MEGF6: variants seen among roughly 807,000 people sequenced by gnomAD.
MEGF6 encodes the protein multiple epidermal growth factor-like domains protein 6.
In MEGF6, 184 loss-of-function variants were observed where a neutral mutation model predicts 207.1. The ratio of observed to expected loss-of-function variants is 0.89; its 90% CI spans 0.79 to 1.00. The LOEUF (loss-of-function observed/expected upper bound fraction) is 1.00. Among genes scored for constraint, MEGF6 ranks in the 50% least tolerant of loss-of-function variants. MEGF6 has a pLI of 0.00. For missense variants in MEGF6, 2,282 were observed against 2,202.9 expected, an observed-to-expected ratio of 1.04 and a Z score of -0.72; for synonymous variants, 1,038 against 910.0, an observed-to-expected ratio of 1.14 and a Z score of -2.53.
chr1:3,587,976 C>G (rs572193701), intron 3 of MEGF6, among the ~76,000 whole-genome samples: 2 of 1,346 alleles, frequency 1.5e-3, no homozygotes, highest in Admixed American at 7.2e-3. Context: ...GCAGGAGTGG[C>G]CAGGAGGGGG....
At chr1:3,517,774 G>T (rs1436728471) in intron 5 of MEGF6, among the ~76,000 whole-genome samples, 1 of 152,214 alleles carries the variant, frequency 6.6e-6, no homozygotes, top group African/African-American at 2.4e-5. Context: ...GTGGACTGGG[G>T]ATTTGCCTCC....
intron 30 of MEGF6, among the ~76,000 whole-genome samples, chr1:3,495,039 C>T (rs1041854429): frequency 1.3e-5 from 2 of 152,200 alleles, no homozygotes; most frequent in African/African-American, 2.4e-5. Context: ...GAAGGCTTCA[C>T]GGAGGCAGCG....
chr1:3,497,655 A>G (rs531886450), intron 26 of MEGF6: 9 of 578,708 alleles, frequency 1.6e-5, no homozygotes, highest in Non-Finnish European at 2.3e-5. Context: ...CTGAGAGCTC[A>G]GCCTCTGGCA....
upstream of MEGF6, among the ~76,000 whole-genome samples, chr1:3,614,642 G>T (rs946306187): frequency 1.3e-5 from 2 of 152,230 alleles, no homozygotes; most frequent in Admixed American, 1.3e-4. Flanking sequence ...CATGTACTAA[G>T]ATGTATGTAG....
At chr1:3,614,419 C>G (rs1188299563), upstream of MEGF6, among the ~76,000 whole-genome samples, 3 of 152,196 alleles carry the variant, frequency 2.0e-5, no homozygotes, top group Non-Finnish European at 4.4e-5. Flanking sequence ...TAATACACTT[C>G]TGTATGCAGA....
rs763053629 is a variant in MEGF6, at chr1:3,565,537, G to C, written c.481+14288C>G. On this transcript the variant is annotated intron_variant, in intron 4 of 36. Transcript: ENST00000356575. This position sits in a 1 kb window ranked among gnomAD's most constrained non-coding sequence, Gnocchi z 4.8. ...AGGAGCCTATCGGTGCCTGGCTTGA[G>C]AGGAGGACGCTTCGTGCGGGGCTGC... is the stretch of plus-strand genomic sequence containing the variant. Among the ~76,000 whole-genome samples the C allele has an allele frequency of 2.0e-5, 3 of 152,198 alleles. No homozygotes were observed. Among genetic ancestry groups the C allele is most frequent in the Non-Finnish European group, 2.9e-5 (2 of 68,026 alleles).
rs565972020 is a variant in MEGF6 at position 3,570,136 on chromosome 1, C to T, written c.481+9689G>A. ...TGTCGAGGAGGTGGCCCAGCCTGAG[C>T]ATAGCAAGATGGTCGTGGAGGGGCC... On this transcript the variant is annotated intron_variant, in intron 4 of 36. Transcript: ENST00000356575. Among the ~76,000 whole-genome samples the T allele has an allele frequency of 2.6e-5, 4 of 152,318 alleles. No individual in the cohort carries two copies. In the East Asian group the frequency reaches 7.7e-4, roughly 29 times the overall value.
rs771431500 is a variant in MEGF6, at chr1:3,505,192, G to GGGGCCGGCCACTCACCTTGGCCAC, written c.2180_2188+15dup. 326 of 1,609,908 alleles carry GGGGCCGGCCACTCACCTTGGCCAC rather than the reference G, an allele frequency of 2.0e-4. 1 individual carries two copies. Among genetic ancestry groups the GGGGCCGGCCACTCACCTTGGCCAC allele is most frequent in the Non-Finnish European group, 2.7e-4 (318 of 1,179,346 alleles). ...CACAATGAGACTGCCGGGAGCCCCA[G>GGGGCCGGCCACTCACCTTGGCCAC]GGGCCGGCCACTCACCTTGGCCACA... On this transcript the variant is annotated intron_variant, in intron 17 of 36. Transcript: ENST00000356575.
In MEGF6 at chr1:3,579,171, C is replaced by G. The variant is rs138035662; in HGVS notation, c.481+654G>C. 2.8e-3 allele frequency among the ~76,000 whole-genome samples: 422 copies of G among 152,336 alleles called. 1 individual carries two copies. The highest frequency in any genetic ancestry group is 9.3e-3 in the African/African-American group (388 of 41,572). On this transcript the variant is annotated intron_variant, in intron 4 of 36. Transcript: ENST00000356575. ...AGAAACCCGGGACAGAGCAGGAAGC[C>G]ACAGAGGAAGGGAAGACTCCCGCTT... is the stretch of plus-strand genomic sequence containing the variant.
chr1:3,609,216 G>A (rs902113565), intron 1 of MEGF6, among the ~76,000 whole-genome samples: 15 of 152,080 alleles, frequency 9.9e-5, no homozygotes, highest in South Asian at 2.1e-4. Context: ...CCCCACCCCC[G>A]TACCAGAGCC....
rs1329654439 is a variant in MEGF6 at position 3,556,228 on chromosome 1, G to T, written c.481+23597C>A. Among the ~76,000 whole-genome samples, 1 of 152,254 alleles carries T rather than the reference G, an allele frequency of 6.6e-6. No individual in the cohort carries two copies. Among genetic ancestry groups the T allele is most frequent in the Non-Finnish European group, 1.5e-5 (1 of 68,044 alleles). On this transcript the variant is annotated intron_variant, in intron 4 of 36. Transcript: ENST00000356575. The surrounding 1 kb of genome is among the most constrained non-coding windows in gnomAD (Gnocchi z 4.4). ...GCCCCGTCAGGATTTCCCAGGATGG[G>T]GAGTGGGGCAGGGTCCCCATACATA... is the stretch of plus-strand genomic sequence containing the variant.
At chr1:3,608,845 T>C (rs917711741) in intron 1 of MEGF6, among the ~76,000 whole-genome samples, 6 of 152,140 alleles carry the variant, frequency 3.9e-5, no homozygotes, top group African/African-American at 1.2e-4. Context: ...TCCTTCCTCA[T>C]AGTGGAAATT....
rs560335382 is a variant in MEGF6, at chr1:3,524,496, A to C, written c.482-250T>G. On this transcript the variant is annotated intron_variant, in intron 4 of 36. Transcript: ENST00000356575. ...CCGGCCAGAAGGTGGGGAGTAGCAG[A>C]GGGCTCCAAGGACAGGCTGGGCCTC... is the stretch of plus-strand genomic sequence containing the variant. Among the ~76,000 whole-genome samples the C allele has an allele frequency of 3.3e-3, 504 of 152,326 alleles. 3 individuals carry two copies. The highest frequency in any genetic ancestry group is 5.8e-3 in the Non-Finnish European group (395 of 68,026).
At chr1:3,533,323 G>A (rs1298136537) in intron 4 of MEGF6, among the ~76,000 whole-genome samples, 1 of 152,242 alleles carries the variant, frequency 6.6e-6, no homozygotes, top group Admixed American at 6.5e-5. Flanking sequence ...TGTCTGCGGG[G>A]CCTCCTGGGG....
intron 34 of MEGF6, 156 bp from the exon 35 acceptor site, chr1:3,492,923 C>T: frequency 1.0e-6 from 1 of 1,002,656 alleles, no homozygotes; most frequent in South Asian, 1.7e-5. Flanking sequence ...CTCGGTTTCC[C>T]CTGAGGAGTA....
intron 13 of MEGF6, 56 bp downstream of exon 13, chr1:3,508,502 G>T (rs983727897): frequency 1.6e-5 from 25 of 1,583,258 alleles, no homozygotes; most frequent in Non-Finnish European, 2.0e-5. Flanking sequence ...GCTGTCCCCA[G>T]GTCTTGGGGC....
At chr1:3,590,549 C>T (rs996783449) in intron 3 of MEGF6, among the ~76,000 whole-genome samples, 3 of 152,218 alleles carry the variant, frequency 2.0e-5, no homozygotes, top group Non-Finnish European at 4.4e-5. Flanking sequence ...ACACGATTAG[C>T]AGCTTCCGGC....
rs192147948 is a variant in MEGF6, at chr1:3,575,519, T to C, written c.481+4306A>G. On this transcript the variant is annotated intron_variant, in intron 4 of 36. Transcript: ENST00000356575. The stretch of plus-strand genomic sequence containing the variant: ...GGGTATTAGTCCGTTTTCCAACTGC[T>C]GACATACCCTAGACTGGGCAATTTA... Among the ~76,000 whole-genome samples the C allele has an allele frequency of 5.3e-5, 8 of 152,322 alleles. No homozygotes were observed. In the East Asian group the frequency reaches 1.4e-3, roughly 26 times the overall value.
chr1:3,576,577 T>C (rs1477512688), intron 4 of MEGF6, among the ~76,000 whole-genome samples: 1 of 152,022 alleles, frequency 6.6e-6, no homozygotes, highest in Non-Finnish European at 1.5e-5. Context: ...AGGAAGGTGA[T>C]GGTGAGAGGT....
Sources: gnomAD v4.1 joint callset for allele counts (sites outside exome capture counted in the v4.1 genomes callset) on GRCh38, gnomAD v4.1.1 for gene constraint, Gnocchi (gnomAD v3.1) non-coding constraint, MANE v1.5 for transcripts, NCBI Gene and HGNC (gene_info 2026-07-23, HGNC 2026-07-21) for gene names.